Variants in URI1 observed in about 807,000 individuals in gnomAD.
URI1 encodes the protein URI1 prefoldin like chaperone, also known as unconventional prefoldin RPB5 interactor 1.
URI1 carries 39 observed loss-of-function variants against 60.2 expected under a neutral mutation model. That is an observed-to-expected ratio of 0.65 (90% CI 0.50 to 0.85). The LOEUF (loss-of-function observed/expected upper bound fraction) is 0.85, where lower values mean the gene tolerates loss of function less well. Among genes scored for constraint, URI1 ranks in the 40% least tolerant of loss-of-function variants. The pLI, the probability that URI1 is intolerant of heterozygous loss-of-function variation, is 0.00. For synonymous variants in URI1, 251 were observed against 236.8 expected (o/e 1.06, Z -0.55); for missense variants, 691 against 665.9 (o/e 1.04, Z -0.42).
At chr19:29,964,992 A>G (rs2055375056) in intron 1 of URI1, among the ~76,000 whole-genome samples, 1 of 152,126 alleles carries the variant, frequency 6.6e-6, no homozygotes, top group East Asian at 1.9e-4. Context: ...TGCAAATCAT[A>G]CAGATGCTTA....
intron 1 of URI1, among the ~76,000 whole-genome samples, chr19:29,934,637 G>A (rs557714060): frequency 6.6e-6 from 1 of 152,352 alleles, no homozygotes; most frequent in Non-Finnish European, 1.5e-5. Context: ...TTGGGCTCAA[G>A]CAATCCTCCT....
rs1217281552 is a variant in URI1 at position 30,016,272 on chromosome 19, C to T, written c.*1203C>T. 3 of 152,092 alleles carry T rather than the reference C, an allele frequency of 2.0e-5. No homozygotes were observed. In the South Asian group the frequency reaches 6.2e-4, roughly 31 times the overall value. 9.4% of individuals were successfully genotyped at this position (152,092 alleles called of 1,614,324 possible). A position where few individuals can be genotyped will look rare whatever the true frequency, so the allele number is the denominator to read the frequency against. Reference sequence around the variant, plus strand: ...GTTTTATGAATATGTATTTTAATGACAAGGGGGCGAGCTTGCATCCCCACT... The same window carrying T: ...GTTTTATGAATATGTATTTTAATGATAAGGGGGCGAGCTTGCATCCCCACT... On this transcript the variant is annotated 3_prime_UTR_variant, in exon 11 of 11. Transcript: ENST00000392271.
chr19:29,930,731 G>C (rs915962132), intron 1 of URI1, among the ~76,000 whole-genome samples: 1 of 152,018 alleles, frequency 6.6e-6, no homozygotes, highest in Non-Finnish European at 1.5e-5. Context: ...GTCTTGCTCT[G>C]TCATCCAGGC....
chr19:29,971,207 C>T lies in URI1; in HGVS notation c.132C>T (p.Cys44=). 2 of 1,613,226 alleles carry T rather than the reference C, an allele frequency of 1.2e-6. No homozygotes were observed. Among genetic ancestry groups the T allele is most frequent in the Non-Finnish European group, 1.7e-6 (2 of 1,179,416 alleles). Reference sequence around the variant, plus strand: ...TTTCATGACAGGTGGTCACTAACTGCCAAGAGAGAATCCAGCATTGGTGAG... The same window carrying T: ...TTTCATGACAGGTGGTCACTAACTGTCAAGAGAGAATCCAGCATTGGTGAG... The part of the protein sequence containing the change: ...REEQEKVVTN[C]QERIQHWKKV... Residue 44 remains cysteine (C), a synonymous_variant, in exon 2 of 11, where the codon TGC becomes TGT. Transcript: ENST00000392271.
At chr19:29,968,334 C>CA (rs1297510596) in intron 1 of URI1, among the ~76,000 whole-genome samples, 3 of 151,926 alleles carry the variant, frequency 2.0e-5, no homozygotes, top group African/African-American at 7.2e-5. Flanking sequence ...TTGTGGAGGA[C>CA]AACAAAGTAA....
chr19:29,931,572 T>A (rs1178766967), intron 1 of URI1, among the ~76,000 whole-genome samples: 2 of 152,180 alleles, frequency 1.3e-5, no homozygotes. Context: ...CACTGACATA[T>A]GCATTTTGGA....
chr19:30,011,211 A>G lies in URI1; in HGVS notation c.1153A>G (p.Ile385Val). Residue 385 changes from isoleucine to valine, a missense_variant, in exon 9 of 11, where the codon ATC becomes GTC. Transcript: ENST00000392271. ...SGHSAQELPT[I>V]RTPADIYRAF... Reference sequence around the variant, plus strand: ...CCACTCTGCCCAGGAGCTGCCGACCATCAGGACGCCTGCAGACATTTACAG... The same window carrying G: ...CCACTCTGCCCAGGAGCTGCCGACCGTCAGGACGCCTGCAGACATTTACAG... 6.2e-7 allele frequency: 1 copy of G among 1,611,090 alleles called. No homozygotes were observed. The highest frequency in any genetic ancestry group is 8.5e-7 in the Non-Finnish European group (1 of 1,179,086).
intron 2 of URI1, among the ~76,000 whole-genome samples, chr19:29,973,578 T>C (rs2055485739): frequency 6.6e-6 from 1 of 152,170 alleles, no homozygotes; most frequent in Non-Finnish European, 1.5e-5. Flanking sequence ...GGAACAAGTA[T>C]ATGTATTCTA....
At chr19:30,011,521 T>C (rs2056019467) in intron 9 of URI1, among the ~76,000 whole-genome samples, 2 of 152,010 alleles carry the variant, frequency 1.3e-5, no homozygotes, top group African/African-American at 4.8e-5. Flanking sequence ...CAGAAAGCAT[T>C]TTTGTTTCCA....
chr19:29,930,142 T>C (rs932213611), intron 1 of URI1, among the ~76,000 whole-genome samples: 1 of 152,108 alleles, frequency 6.6e-6, no homozygotes, highest in Non-Finnish European at 1.5e-5. Context: ...TTTCACCATG[T>C]TGGCCAGGCT....
chr19:30,009,971 C>T (rs1427293541), intron 8 of URI1, among the ~76,000 whole-genome samples: 1 of 151,924 alleles, frequency 6.6e-6, no homozygotes, highest in Non-Finnish European at 1.5e-5. Context: ...CTGTAGAATC[C>T]CAGTATTTAA....
rs1475906011 is a variant in URI1, at chr19:30,011,150, A to C, written c.1092A>C (p.Glu364Asp). The change falls in exon 9 of 11, where the codon GAA becomes GAC. Residue 364 changes from glutamate to aspartate, a missense_variant. Coordinates refer to ENST00000392271, the MANE Select transcript of URI1 (RefSeq NM_003796.3). ...TAAAATTCAGTGAAAAGAAAGAAGA[A>C]GCCAAACGTAAACGAAAGAACAGCA... ...TTLKFSEKKE[E>D]AKRKRKNSTG... The C allele has an allele frequency of 6.2e-6, 10 of 1,613,206 alleles. No individual in the cohort carries two copies. Among genetic ancestry groups the C allele is most frequent in the African/African-American group, 1.3e-5 (1 of 74,882 alleles).
intron 10 of URI1, 38 bp downstream of exon 10, chr19:30,012,569 G>A: frequency 1.3e-6 from 2 of 1,597,016 alleles, no homozygotes; most frequent in Non-Finnish European, 1.7e-6. Context: ...ATTTCATATA[G>A]TATCTTTGAC....
At chr19:29,967,340 T>C (rs2055403417) in intron 1 of URI1, among the ~76,000 whole-genome samples, 1 of 152,224 alleles carries the variant, frequency 6.6e-6, no homozygotes, top group African/African-American at 2.4e-5. Context: ...TCTAACCCTA[T>C]TAATTTATAA....
At chr19:29,975,460 G>T (rs1375964676) in intron 2 of URI1, among the ~76,000 whole-genome samples, 1 of 149,934 alleles carries the variant, frequency 6.7e-6, no homozygotes, top group African/African-American at 2.5e-5. Context: ...TGATGTATAG[G>T]TTCCTCCTAA....
At chr19:29,987,698 TA>T (rs2055689674) in intron 4 of URI1, among the ~76,000 whole-genome samples, 1 of 152,194 alleles carries the variant, frequency 6.6e-6, no homozygotes, top group African/African-American at 2.4e-5. Flanking sequence ...AGTTATAACT[TA>T]AAATATTAAT....
intron 2 of URI1, among the ~76,000 whole-genome samples, chr19:29,983,737 C>G (rs1469115051): frequency 6.6e-6 from 1 of 152,288 alleles, no homozygotes; most frequent in East Asian, 1.9e-4. Flanking sequence ...GCATAGGCTG[C>G]TGCCTGGTAT....
intron 4 of URI1, among the ~76,000 whole-genome samples, chr19:30,000,558 T>C (rs1295191004): frequency 6.6e-6 from 1 of 152,054 alleles, no homozygotes; most frequent in Non-Finnish European, 1.5e-5. Context: ...AGGTCTTAAG[T>C]AACTGTTGCC....
chr19:29,956,896 T>C, intron 1 of URI1: 1 of 1,271,400 alleles, frequency 7.9e-7, no homozygotes, highest in Non-Finnish European at 1.1e-6. Flanking sequence ...GCAGGGTTCC[T>C]CTGGGGCCCT....
Sources: allele counts gnomAD v4.1 joint callset (sites outside exome capture counted in the v4.1 genomes callset), GRCh38; gene constraint gnomAD v4.1.1; transcripts MANE v1.5; gene names NCBI Gene and HGNC (gene_info 2026-07-23, HGNC 2026-07-21).